The following CENPE variants were observed in gnomAD, a reference collection of about 807,000 sequenced individuals.
CENPE encodes the protein centromere protein E.
A neutral mutation model predicts 336.1 loss-of-function variants in CENPE; 145 were observed. The ratio of observed to expected loss-of-function variants is 0.43; its 90% CI spans 0.38 to 0.50. The LOEUF (loss-of-function observed/expected upper bound fraction) is 0.50, where lower values mean the gene tolerates loss of function less well. Ranked by LOEUF, CENPE falls within the 20% of genes least tolerant of loss-of-function variation. The pLI, the probability that CENPE is intolerant of heterozygous loss-of-function variation, is 0.00. For missense variants in CENPE, 2,719 were observed against 3,023.3 expected (o/e 0.90, Z 2.36); for synonymous variants, 1,013 against 984.8 (o/e 1.03, Z -0.54).
chr4:103,167,055 T>C (rs1219477725), intron 16 of CENPE, among the ~76,000 whole-genome samples: 3 of 152,202 alleles, frequency 2.0e-5, no homozygotes, highest in African/African-American at 7.2e-5. Flanking sequence ...TTAGTTATAC[T>C]AATTTTCACA....
chr4:103,169,826 A>G (rs1755242362), intron 16 of CENPE, among the ~76,000 whole-genome samples: 1 of 152,220 alleles, frequency 6.6e-6, no homozygotes, highest in Admixed American at 6.5e-5. Context: ...ATAAAGACAC[A>G]TGCACACGTA....
chr4:103,159,284 T>C lies in CENPE; in HGVS notation c.2327A>G (p.Glu776Gly). 6.4e-7 allele frequency: 1 copy of C among 1,570,118 alleles called. No individual in the cohort carries two copies. ...KSEELHIITS[E>G]KDKLFSEVVH... ...TACTTCAGAAAACAATTTATCTTTT[T>C]CTGATGTTATTATATGGAGCTCTTC... The change falls in exon 22 of 49, where the codon GAA becomes GGA. Residue 776 changes from glutamate (E) to glycine (G), a missense_variant. Around this residue, in one of 5 missense-constraint regions of CENPE, gnomAD observed 2,437 missense variants for 2,513.3 expected, o/e 0.97. Transcript: ENST00000265148.
At chr4:103,108,739 A>G in intron 48 of CENPE, 64 bp downstream of exon 48, 1 of 1,432,722 alleles carries the variant, frequency 7.0e-7, no homozygotes. Flanking sequence ...CTTTGGGATC[A>G]CATATTAATG....
intron 42 of CENPE, among the ~76,000 whole-genome samples, chr4:103,131,087 A>C (rs775968792): frequency 6.6e-6 from 1 of 152,196 alleles, no homozygotes; most frequent in African/African-American, 2.4e-5. Context: ...GAAATAATTG[A>C]TAAGCTAGAC....
At chr4:103,155,611 G>C (rs1753901556) in intron 24 of CENPE, among the ~76,000 whole-genome samples, 1 of 151,966 alleles carries the variant, frequency 6.6e-6, no homozygotes, top group African/African-American at 2.4e-5. Flanking sequence ...TTGTGTTGAG[G>C]GTAAATTTCA....
In CENPE at chr4:103,174,923, AT is replaced by A; in HGVS notation, c.1480-21del. 7.3e-7 allele frequency: 1 copy of A among 1,367,230 alleles called. No individual in the cohort carries two copies. 84.7% of individuals were successfully genotyped at this position (1,367,230 alleles called of 1,614,324 possible). The stretch of plus-strand genomic sequence containing the variant: ...ATTCTCCTATTATAAACAAGAACAG[AT>A]TTTCCAATCAGAAAATTCAAATATT... On this transcript the variant is annotated intron_variant, in intron 15 of 48. Coordinates refer to ENST00000265148, the MANE Select transcript of CENPE (RefSeq NM_001813.3).
intron 27 of CENPE, 22 bp from the exon 28 acceptor site, chr4:103,149,021 A>C (rs754473930): frequency 4.9e-5 from 79 of 1,604,568 alleles, no homozygotes; most frequent in Non-Finnish European, 6.1e-5. Context: ...AAATTTAAAG[A>C]ATATTGTAAT....
chr4:103,183,146 A>G, intron 10 of CENPE, 55 bp downstream of exon 10: 1 of 1,330,208 alleles, frequency 7.5e-7, no homozygotes, highest in Non-Finnish European at 1.1e-6. Context: ...TGCAATGTTC[A>G]ACCTAATGAA....
At chr4:103,115,809 C>T (rs972478171) in intron 45 of CENPE, among the ~76,000 whole-genome samples, 1 of 150,572 alleles carries the variant, frequency 6.6e-6, no homozygotes. Context: ...CGGCTCACTG[C>T]AAGCTCCGCC....
At chr4:103,176,826 G>A in intron 14 of CENPE, 73 bp downstream of exon 14, 1 of 1,113,632 alleles carries the variant, frequency 9.0e-7, no homozygotes, top group Non-Finnish European at 1.3e-6. Context: ...CATTAACTGA[G>A]CTATAAACAT....
At chr4:103,160,156 A>G (rs1392449176) in intron 21 of CENPE, among the ~76,000 whole-genome samples, 1 of 151,938 alleles carries the variant, frequency 6.6e-6, no homozygotes, top group Non-Finnish European at 1.5e-5. Context: ...TTTTTCTTTT[A>G]GACAAGTAGA....
Position 103,139,926 on chromosome 4 carries a change from A to C in CENPE, c.6067T>G (p.Leu2023Val). Residue 2023 changes from leucine (L) to valine (V), a missense_variant, in exon 38 of 49, where the codon TTG (leucine) becomes GTG (valine). Leu to Val is a conservative substitution (Grantham distance 32, BLOSUM62 1). Around this residue, in one of 5 missense-constraint regions of CENPE, gnomAD observed 2,437 missense variants for 2,513.3 expected, o/e 0.97. Transcript: ENST00000265148. Reference sequence around the variant, plus strand: ...AGGCTTTCATGAAGTTTCTTAGTCAACTGGAAGTTATCCATTCTCACACTT... The same window carrying C: ...AGGCTTTCATGAAGTTTCTTAGTCACCTGGAAGTTATCCATTCTCACACTT... ...MQSVRMDNFQ[L>V]TKKLHESLEE... The C allele has an allele frequency of 6.2e-7, 1 of 1,613,400 alleles. No individual in the cohort carries two copies. The highest frequency in any genetic ancestry group is 2.2e-5 in the East Asian group (1 of 44,748).
chr4:103,174,974 ATTAT>A, intron 15 of CENPE, 71 bp from the exon 16 acceptor site: 1 of 938,306 alleles, frequency 1.1e-6, no homozygotes, highest in Non-Finnish European at 1.5e-6. Context: ...TAAAATTTGA[ATTAT>A]TTAAATAACT....
In CENPE at chr4:103,158,289, A is replaced by T; in HGVS notation, c.3033+11T>A. On this transcript the variant is annotated intron_variant, in intron 24 of 48. Coordinates refer to ENST00000265148, the MANE Select transcript of CENPE (RefSeq NM_001813.3). Reference sequence around the variant, plus strand: ...AAGCATATGAAAACTCTGAAAATAAACACCCTTTACCTTTTGCTGAAATTC... The same window carrying T: ...AAGCATATGAAAACTCTGAAAATAATCACCCTTTACCTTTTGCTGAAATTC... 6.3e-7 allele frequency: 1 copy of T among 1,582,220 alleles called. No homozygotes were observed. The highest frequency in any genetic ancestry group is 8.6e-7 in the Non-Finnish European group (1 of 1,167,018).
At chr4:103,160,310 A>G (rs1754331071) in intron 21 of CENPE, among the ~76,000 whole-genome samples, 1 of 151,952 alleles carries the variant, frequency 6.6e-6, no homozygotes, top group Non-Finnish European at 1.5e-5. Context: ...CTACCAAAAA[A>G]AATGGTAAAG....
chr4:103,196,368 C>A (rs1757734777), intron 2 of CENPE, 116 bp from the exon 3 acceptor site: 2 of 815,662 alleles, frequency 2.5e-6, no homozygotes, highest in South Asian at 1.6e-5. Context: ...GTAGGATGAT[C>A]AACTATTTAA....
rs146757212 is a variant in CENPE, at chr4:103,196,197, T to C, written c.204A>G (p.Ala68=). Residue 68 remains alanine, a synonymous_variant, in exon 3 of 49, where the codon GCA becomes GCG. Transcript: ENST00000265148. ...TTKNVYEEIA[A]PIIDSAIQGY... ...CTTGTATGGCAGAATCGATGATTGG[T>C]GCTGCTATTTCTTCATACACATTTT... 1.4e-4 allele frequency: 218 copies of C among 1,613,768 alleles called. No homozygotes were observed. Among genetic ancestry groups the C allele is most frequent in the Non-Finnish European group, 1.7e-4 (204 of 1,179,836 alleles).
At chr4:103,130,194 T>A (rs925127446) in intron 42 of CENPE, among the ~76,000 whole-genome samples, 1 of 152,268 alleles carries the variant, frequency 6.6e-6, no homozygotes, top group East Asian at 1.9e-4. Context: ...AAATACAAGG[T>A]ACACAAATTT....
chr4:103,117,722 G>C (rs1426765549), intron 44 of CENPE, among the ~76,000 whole-genome samples: 1 of 150,740 alleles, frequency 6.6e-6, no homozygotes, highest in Non-Finnish European at 1.5e-5. Flanking sequence ...TCGCCTCCCG[G>C]GTTCAAGCGA....
Sources: allele counts gnomAD v4.1 joint callset (sites outside exome capture counted in the v4.1 genomes callset), GRCh38; gene constraint gnomAD v4.1.1; regional missense constraint gnomAD v4.1.1; transcripts MANE v1.5; gene names NCBI Gene and HGNC (gene_info 2026-07-23, HGNC 2026-07-21).